The following EXD3 variants were observed in gnomAD, a reference collection of about 807,000 sequenced individuals.
EXD3 encodes exonuclease mut-7 homolog.
A neutral mutation model predicts 98.0 loss-of-function variants in EXD3; 92 were observed. The observed-to-expected ratio is 0.94, with a 90% CI of 0.79 to 1.12. The LOEUF is 1.12. EXD3 is among the 50% of genes most tolerant of loss of function. The pLI, the probability that EXD3 is intolerant of heterozygous loss-of-function variation, is 0.00. For missense variants in EXD3, 1,222 were observed against 1,191.6 expected, an observed-to-expected ratio of 1.03 and a Z score of -0.38; for synonymous variants, 569 against 526.0, an observed-to-expected ratio of 1.08 and a Z score of -1.12.
intron 17 of EXD3, among the ~76,000 whole-genome samples, chr9:137,332,839 G>A (rs1833158739): frequency 1.3e-5 from 2 of 152,118 alleles, no homozygotes; most frequent in African/African-American, 2.4e-5. Context: ...CTGAGACTCT[G>A]TCTGTCAAAA....
At chr9:137,384,293 C>T (rs948872131) in intron 2 of EXD3, among the ~76,000 whole-genome samples, 36 of 152,204 alleles carry the variant, frequency 2.4e-4, no homozygotes, top group African/African-American at 7.0e-4. Flanking sequence ...GCGTGTGTGA[C>T]GGGGGTCACC....
At chr9:137,414,904 C>G (rs1838165106) in intron 1 of EXD3, among the ~76,000 whole-genome samples, 1 of 152,118 alleles carries the variant, frequency 6.6e-6, no homozygotes, top group Non-Finnish European at 1.5e-5. Context: ...GTTGTCCAGG[C>G]TGAGACGGAA....
intron 19 of EXD3, among the ~76,000 whole-genome samples, chr9:137,312,226 C>T (rs531835593): frequency 6.6e-6 from 1 of 152,302 alleles, no homozygotes; most frequent in Admixed American, 6.5e-5. Flanking sequence ...GGCACCTCCA[C>T]CCCACCCCCT....
chr9:137,384,830 G>A (rs959850431), intron 2 of EXD3, among the ~76,000 whole-genome samples: 20 of 152,162 alleles, frequency 1.3e-4, no homozygotes, highest in Admixed American at 8.5e-4. Flanking sequence ...AAACCCAGCC[G>A]GCTGTCATCT....
Position 137,372,895 on chromosome 9 carries a change from G to A in EXD3, c.462+10C>T. The stretch of plus-strand genomic sequence containing the variant: ...GTTTCCCCATGAGCCCGGCCACGTG[G>A]GCCACTCACTTCTCTGAACCTGCCC... On this transcript the variant is annotated intron_variant, in intron 5 of 21. Transcript: ENST00000340951. 1 of 1,597,476 alleles carries A rather than the reference G, an allele frequency of 6.3e-7. No homozygotes were observed. The highest frequency in any genetic ancestry group is 8.5e-7 in the Non-Finnish European group (1 of 1,179,602).
chr9:137,308,524 G>T (rs1831177152), intron 20 of EXD3, among the ~76,000 whole-genome samples: 1 of 152,122 alleles, frequency 6.6e-6, no homozygotes. Context: ...TTTGCGAGCG[G>T]GGGACCTGAG....
chr9:137,356,227 C>G (rs1834778747), intron 8 of EXD3, 41 bp downstream of exon 8: 2 of 1,478,170 alleles, frequency 1.4e-6, no homozygotes, highest in Non-Finnish European at 9.2e-7. Context: ...CTTGGCGGCT[C>G]TCCCTGGCCT....
In EXD3 at chr9:137,379,764, G is replaced by T. The variant is rs1836132778; in HGVS notation, c.120+3549C>A. The stretch of plus-strand genomic sequence containing the variant: ...TTTGGGGTGCGCTCTCGCCCAGGCT[G>T]GTTTCTGTCACCCCCGGAGTTCTGC... On this transcript the variant is annotated intron_variant, in intron 3 of 21. Transcript: ENST00000340951. 2.6e-5 allele frequency among the ~76,000 whole-genome samples: 4 copies of T among 151,988 alleles called. No individual in the cohort carries two copies. The South Asian group carries it at 8.3e-4, about 31-fold the overall frequency.
chr9:137,382,015 A>ATGCGGGGAGGAGGTGAGGGCG (rs1836306864), intron 3 of EXD3, among the ~76,000 whole-genome samples: 1 of 59,782 alleles, frequency 1.7e-5, no homozygotes, highest in African/African-American at 7.8e-5. Flanking sequence ...GGAGGTGAGG[A>ATGCGGGGAGGAGGTGAGGGCG]CGCGGGGAGG....
intron 1 of EXD3, among the ~76,000 whole-genome samples, chr9:137,401,228 A>G (rs1032887101): frequency 4.0e-4 from 55 of 137,162 alleles, no homozygotes; most frequent in African/African-American, 1.4e-3. Context: ...ATCTCAGCTC[A>G]CTGCAAGCTC....
intron 2 of EXD3, among the ~76,000 whole-genome samples, chr9:137,391,148 C>T (rs1049012517): frequency 7.2e-5 from 11 of 152,240 alleles, no homozygotes; most frequent in African/African-American, 2.7e-4. Flanking sequence ...TCCCCACGTC[C>T]ACCCACAGCC....
intron 17 of EXD3, among the ~76,000 whole-genome samples, chr9:137,330,681 T>C (rs1250529086): frequency 6.6e-6 from 1 of 151,368 alleles, no homozygotes; most frequent in Admixed American, 6.6e-5. Flanking sequence ...AGGGCAACAA[T>C]GGAGCCAAAA....
intron 1 of EXD3, among the ~76,000 whole-genome samples, chr9:137,411,449 G>A (rs1243970952): frequency 6.6e-6 from 1 of 151,940 alleles, no homozygotes; most frequent in East Asian, 1.9e-4. Context: ...ACAGGAAGGC[G>A]GGACCGGCGG....
intron 20 of EXD3, among the ~76,000 whole-genome samples, chr9:137,309,324 G>A (rs1052190736): frequency 2.0e-5 from 3 of 152,160 alleles, no homozygotes; most frequent in Admixed American, 1.3e-4. Context: ...CAGAGAGAAG[G>A]AGGTGCACAC....
intron 1 of EXD3, among the ~76,000 whole-genome samples, chr9:137,400,046 AAAG>A (rs1837407517): frequency 6.6e-6 from 1 of 151,722 alleles, no homozygotes; most frequent in African/African-American, 2.4e-5. Flanking sequence ...AAAAAAAAAA[AAAG>A]AAAATGAGGA....
At chr9:137,329,606 GTCACACGGGA>G (rs1223253166) in intron 17 of EXD3, among the ~76,000 whole-genome samples, 3 of 7,786 alleles carry the variant, frequency 3.9e-4, no homozygotes, top group Non-Finnish European at 6.4e-4. Flanking sequence ...ACTACACGGG[GTCACACGGGA>G]CTACACGGGA....
Position 137,351,330 on chromosome 9 carries a change from T to G in EXD3, c.1372A>C (p.Ile458Leu). Residue 458 changes from isoleucine to leucine, a missense_variant, in exon 13 of 22, where the codon ATC (isoleucine) becomes CTC (leucine). Physicochemically the swap from Ile to Leu is conservative, Grantham distance 5. Transcript: ENST00000340951. ...LVAQLLSDPS[I>L]TKLGYGMVGD... ...GGGCTTCACTCACCCAGCTTGGTGA[T>G]AGAGGGGTCCGAGAGGAGCTGGGCC... is the stretch of plus-strand genomic sequence containing the variant. 1 of 1,611,540 alleles carries G rather than the reference T, an allele frequency of 6.2e-7. No homozygotes were observed. Among genetic ancestry groups the G allele is most frequent in the Non-Finnish European group, 8.5e-7 (1 of 1,179,474 alleles).
chr9:137,374,861 G>A (rs1276148558), intron 3 of EXD3: 3 of 985,356 alleles, frequency 3.0e-6, no homozygotes, highest in Non-Finnish European at 2.4e-6. Context: ...CTTAGTCCTA[G>A]CCCTAGTGAG....
At chr9:137,379,700 A>C (rs914277169) in intron 3 of EXD3, among the ~76,000 whole-genome samples, 30 of 152,064 alleles carry the variant, frequency 2.0e-4, no homozygotes, top group African/African-American at 6.3e-4. Context: ...ATCTTACCCC[A>C]ATAAAGCATT....
Sources: gnomAD v4.1 joint callset for allele counts (sites outside exome capture counted in the v4.1 genomes callset) on GRCh38, gnomAD v4.1.1 for gene constraint, MANE v1.5 for transcripts, NCBI Gene and HGNC (gene_info 2026-07-23, HGNC 2026-07-21) for gene names.